SASH1: variants seen among roughly 807,000 people sequenced by gnomAD.
SASH1 encodes the protein SAM and SH3 domain containing 1.
Under a neutral mutation model 125.2 loss-of-function variants are expected in SASH1, and 44 were observed. The observed-to-expected ratio is 0.35, with a 90% CI of 0.28 to 0.45. SASH1 has a LOEUF of 0.45. Among genes scored for constraint, SASH1 ranks in the 20% least tolerant of loss-of-function variants. The pLI, the probability that SASH1 is intolerant of heterozygous loss-of-function variation, is 1.00. For missense variants in SASH1, 1,426 were observed against 1,614.5 expected (o/e 0.88, Z 2.00); for synonymous variants, 639 against 649.1 (o/e 0.98, Z 0.24).
chr6:148,293,574 G>T (rs532053207), intron 1 of SASH1, among the ~76,000 whole-genome samples: 1 of 152,184 alleles, frequency 6.6e-6, no homozygotes, highest in Non-Finnish European at 1.5e-5. Context: ...GGCAGCGTGG[G>T]CAGAGTCGGA....
In SASH1 at chr6:148,307,094, T is replaced by C. The variant is rs7451179; in HGVS notation, n.74+34717T>C. On this transcript the variant is annotated intron_variant and non_coding_transcript_variant, in intron 1 of 3. Transcript: ENST00000367469. ...TTTCTTTCTTTCTTTCTTTCTTTCT[T>C]TCTCTCTCTCTGTCTCTTTCTTTCT... Among the ~76,000 whole-genome samples, 923 of 120,746 alleles carry C rather than the reference T, an allele frequency of 7.6e-3. 14 individuals carry two copies. The highest frequency in any genetic ancestry group is 0.028 in the African/African-American group (871 of 31,614). 79.2% of individuals were successfully genotyped at this position (120,746 alleles called of 152,430 possible).
chr6:148,304,013 C>A (rs138390281), intron 1 of SASH1, among the ~76,000 whole-genome samples: 4 of 151,892 alleles, frequency 2.6e-5, no homozygotes, highest in African/African-American at 4.8e-5. Flanking sequence ...AAATTAATAA[C>A]CAAATCGGGG....
chr6:148,345,939 T>C (rs543936713), intron 1 of SASH1, among the ~76,000 whole-genome samples: 146 of 152,322 alleles, frequency 9.6e-4, no homozygotes, highest in South Asian at 2.3e-3. Flanking sequence ...TTAGGTAAAA[T>C]GTGACTTACA....
At chr6:148,547,085 A>C (rs1424831229) in intron 19 of SASH1, among the ~76,000 whole-genome samples, 1 of 152,110 alleles carries the variant, frequency 6.6e-6, no homozygotes, top group Admixed American at 6.5e-5. Context: ...CTCAGCATAC[A>C]ATTTTTTTTC....
At chr6:148,240,802 A>G in the SASH1 span, among the ~76,000 whole-genome samples, 1 of 152,212 alleles carries the variant, frequency 6.6e-6, no homozygotes, top group Admixed American at 6.5e-5. Context: ...GTCCTGGGCT[A>G]ATAAAGGGAA....
chr6:148,526,966 G>A (rs113854032), intron 11 of SASH1, among the ~76,000 whole-genome samples: 2,614 of 151,568 alleles, frequency 0.017, 73 homozygotes, highest in African/African-American at 0.059. Flanking sequence ...TCCACCTCCC[G>A]GATTCACACC....
chr6:148,393,220 ATTTT>A (rs11368072), intron 2 of SASH1, among the ~76,000 whole-genome samples: 4 of 126,958 alleles, frequency 3.2e-5, no homozygotes, highest in African/African-American at 2.9e-5. Context: ...CTAATTTTGT[ATTTT>A]TTTTTTTTTT....
intron 12 of SASH1, among the ~76,000 whole-genome samples, chr6:148,527,995 G>T (rs560657124): frequency 3.5e-5 from 5 of 142,300 alleles, no homozygotes; most frequent in South Asian, 4.5e-4. Context: ...TTTTGGGGGG[G>T]GGGGTGGCAG....
At chr6:148,545,984 C>T (rs1583341574) in intron 18 of SASH1, 31 bp from the exon 19 acceptor site, 1 of 1,606,300 alleles carries the variant, frequency 6.2e-7, no homozygotes, top group South Asian at 1.1e-5. Context: ...CCTTATGACT[C>T]TTGATGTCAT....
At chr6:148,288,428 T>A (rs941650917) in intron 1 of SASH1, among the ~76,000 whole-genome samples, 2 of 152,158 alleles carry the variant, frequency 1.3e-5, no homozygotes, top group Non-Finnish European at 2.9e-5. Context: ...AAATCAATTA[T>A]CTAAAATTCA....
intron 1 of SASH1, among the ~76,000 whole-genome samples, chr6:148,387,562 TTTTCTCTTTCTTTCTTTCTTTC>T (rs1783438245): frequency 6.8e-6 from 1 of 146,860 alleles, no homozygotes; most frequent in African/African-American, 2.5e-5. Flanking sequence ...CCTTTCTTTC[TTTTCTCTTTCTTTCTTTCTTTC>T]TTTCTTTCTT....
intron 11 of SASH1, among the ~76,000 whole-genome samples, 199 bp downstream of exon 11, chr6:148,525,564 T>C (rs1781097357): frequency 6.6e-6 from 1 of 152,240 alleles, no homozygotes; most frequent in South Asian, 2.1e-4. Context: ...CCACTCTCAC[T>C]GCCATCTCCT....
intron 1 of SASH1, among the ~76,000 whole-genome samples, chr6:148,307,049 TTTCTTTCTTTCTTTCTTTC>T (rs1360222215): frequency 8.2e-6 from 1 of 122,276 alleles, no homozygotes; most frequent in Non-Finnish European, 1.7e-5. Flanking sequence ...TCTTTCTTTC[TTTCTTTCTTTCTTTCTTTC>T]TTTCTTTCTT....
chr6:148,545,553 T>C (rs1164786437), intron 18 of SASH1, among the ~76,000 whole-genome samples: 3 of 152,242 alleles, frequency 2.0e-5, no homozygotes, highest in Admixed American at 2.0e-4. Flanking sequence ...AGCCCTTCTC[T>C]CCTGCAGTTT....
At chr6:148,362,347 C>G (rs914636071) in intron 1 of SASH1, among the ~76,000 whole-genome samples, 1 of 151,854 alleles carries the variant, frequency 6.6e-6, no homozygotes, top group African/African-American at 2.4e-5. Flanking sequence ...CTCAGCCTCC[C>G]GAGTAGCTGG....
At chr6:148,195,586 C>CT in the SASH1 span, among the ~76,000 whole-genome samples, 4 of 152,238 alleles carry the variant, frequency 2.6e-5, no homozygotes, top group Admixed American at 2.6e-4. Flanking sequence ...TTGAAACTCT[C>CT]TTTCACCCCG....
chr6:148,228,780 A>G, the SASH1 span, among the ~76,000 whole-genome samples: 1 of 152,198 alleles, frequency 6.6e-6, no homozygotes, highest in Non-Finnish European at 1.5e-5. Flanking sequence ...GCTTATTTAA[A>G]TTGGTTTGTA....
rs1246908913 is a variant in SASH1 at position 148,474,237 on chromosome 6, A to T, written c.627+15A>T. ...CACTTGCTAGGGTAAGCATGCAGATACCTGGTTTATATTTGTGAGGACTTG... is the reference window on the plus strand; with the variant it reads ...CACTTGCTAGGGTAAGCATGCAGATTCCTGGTTTATATTTGTGAGGACTTG... On this transcript the variant is annotated intron_variant, in intron 7 of 19. Transcript: ENST00000367467. The T allele has an allele frequency of 6.7e-6, 10 of 1,491,546 alleles. No individual in the cohort carries two copies. The highest frequency in any genetic ancestry group is 9.2e-6 in the Non-Finnish European group (10 of 1,082,308). 92.4% of individuals were successfully genotyped at this position (1,491,546 alleles called of 1,614,324 possible). A position where few individuals can be genotyped will look rare whatever the true frequency, so the allele number is the denominator to read the frequency against.
chr6:148,374,307 G>C (rs1782807738), intron 1 of SASH1, among the ~76,000 whole-genome samples: 1 of 152,208 alleles, frequency 6.6e-6, no homozygotes, highest in Non-Finnish European at 1.5e-5. Context: ...AAGGAGGGGA[G>C]TAGGAATGTC....
Sources: allele counts gnomAD v4.1 joint callset (sites outside exome capture counted in the v4.1 genomes callset), GRCh38; gene constraint gnomAD v4.1.1; transcripts MANE v1.5; gene names NCBI Gene and HGNC (gene_info 2026-07-23, HGNC 2026-07-21).